CCDC3: variants seen among roughly 807,000 people sequenced by gnomAD.
CCDC3 encodes the protein coiled-coil domain-containing protein 3.
CCDC3 carries 24 observed loss-of-function variants against 21.4 expected under a neutral mutation model. That is an observed-to-expected ratio of 1.12 (90% CI 0.81 to 1.58). The LOEUF (loss-of-function observed/expected upper bound fraction) is 1.58, where lower values mean the gene tolerates loss of function less well. Ranked by LOEUF, CCDC3 falls within the 40% of genes most tolerant of loss-of-function variation. The pLI is 0.00. For synonymous variants in CCDC3, 186 were observed against 166.0 expected (o/e 1.12, Z -0.93); for missense variants, 425 against 360.9 (o/e 1.18, Z -1.44).
In CCDC3 at chr10:13,070,517, A is replaced by C. The variant is rs187383903; in HGVS notation, c.-270+3351T>G. 1.1e-4 allele frequency among the ~76,000 whole-genome samples: 16 copies of C among 152,268 alleles called. No individual in the cohort carries two copies. The East Asian group carries it at 2.9e-3, about 28-fold the overall frequency. On this transcript the variant is annotated intron_variant, in intron 4 of 6. Transcript: ENST00000378839. ...AGAAACTGGCCTCATATCTTCGTACACAGTCCCCATACAGGGTTCCTAACC... is the reference window on the plus strand; with the variant it reads ...AGAAACTGGCCTCATATCTTCGTACCCAGTCCCCATACAGGGTTCCTAACC...
intron 2 of CCDC3, among the ~76,000 whole-genome samples, chr10:12,922,284 C>T (rs1477184319): frequency 1.3e-5 from 2 of 152,096 alleles, no homozygotes; most frequent in African/African-American, 2.4e-5. Flanking sequence ...TACCCGCACT[C>T]GGACGGGCTT....
chr10:13,009,376 A>G (rs1589039030), intron 5 of CCDC3, among the ~76,000 whole-genome samples: 2 of 152,346 alleles, frequency 1.3e-5, no homozygotes, highest in South Asian at 2.1e-4. Context: ...TGCAAACTCA[A>G]TAAAAATCCC....
intron 2 of CCDC3, among the ~76,000 whole-genome samples, chr10:12,937,338 T>C (rs1268856195): frequency 6.6e-6 from 1 of 152,184 alleles, no homozygotes; most frequent in African/African-American, 2.4e-5. Context: ...ACTCATTTCC[T>C]ACGTAGAGCA....
At chr10:13,090,046 T>G (rs1474217774) in intron 3 of CCDC3, among the ~76,000 whole-genome samples, 1,421 of 12,070 alleles carry the variant, frequency 0.12, 32 homozygotes, top group East Asian at 0.28. Flanking sequence ...TATATATATA[T>G]ATATATATAT....
At chr10:13,017,347 C>CGT (rs1836077648) in intron 5 of CCDC3, among the ~76,000 whole-genome samples, 1 of 151,596 alleles carries the variant, frequency 6.6e-6, no homozygotes, top group Admixed American at 6.6e-5. Context: ...TAAAACTTCA[C>CGT]CTCTACTAAA....
intron 2 of CCDC3, among the ~76,000 whole-genome samples, chr10:12,956,787 C>T (rs1209045302): frequency 6.6e-6 from 1 of 152,126 alleles, no homozygotes; most frequent in East Asian, 1.9e-4. Context: ...CCACCACAAA[C>T]TCACACACAA....
At chr10:13,081,657 T>C (rs1837040473) in intron 3 of CCDC3, among the ~76,000 whole-genome samples, 1 of 152,224 alleles carries the variant, frequency 6.6e-6, no homozygotes, top group Non-Finnish European at 1.5e-5. Flanking sequence ...TTACTACTTT[T>C]AATGCCTGTT....
rs529127197 is a variant in CCDC3, at chr10:12,897,333, G to A, written c.*1083C>T. 1.3e-5 allele frequency: 2 copies of A among 152,340 alleles called. No individual in the cohort carries two copies. Among genetic ancestry groups the A allele is most frequent in the South Asian group, 4.1e-4 (2 of 4,822 alleles). The allele number at this position is 152,340 out of a possible 1,614,324, so 9.4% of individuals were successfully genotyped here. A position where few individuals can be genotyped will look rare whatever the true frequency, so the allele number is the denominator to read the frequency against. ...TCTTAAAAGTTTTATTTCCAGAAAG[G>A]TGAAGTGCTTTGGTGGTGTAAGGAA... On this transcript the variant is annotated 3_prime_UTR_variant, in exon 3 of 3. Transcript: ENST00000378825.
rs764707450 is a variant in CCDC3, at chr10:12,898,388, C to T, written c.*28G>A. On this transcript the variant is annotated 3_prime_UTR_variant, in exon 3 of 3. Transcript: ENST00000378825. The stretch of plus-strand genomic sequence containing the variant: ...ATTCTCAATTACCGTCAGGATTGGC[C>T]CTGCACACCTGGCAGCCCCCAGGCC... 1.2e-5 allele frequency: 18 copies of T among 1,564,256 alleles called. No individual in the cohort carries two copies. In the Admixed American group the frequency reaches 1.3e-4, roughly 12 times the overall value.
intron 2 of CCDC3, among the ~76,000 whole-genome samples, chr10:12,984,798 CA>C (rs763513430): frequency 6.6e-6 from 1 of 152,102 alleles, no homozygotes; most frequent in Non-Finnish European, 1.5e-5. Context: ...CTGAGACAGA[CA>C]AATCTTACAC....
intron 2 of CCDC3, among the ~76,000 whole-genome samples, chr10:12,991,334 T>A (rs1040776695): frequency 1.3e-5 from 2 of 152,118 alleles, no homozygotes; most frequent in Admixed American, 1.3e-4. Flanking sequence ...TGTTTTTTTT[T>A]CCTTGAGAGG....
chr10:13,082,213 T>A (rs1015692084), intron 3 of CCDC3, among the ~76,000 whole-genome samples: 2 of 152,062 alleles, frequency 1.3e-5, no homozygotes, highest in African/African-American at 2.4e-5. Context: ...ATTTATTGGA[T>A]ACAAGACAAG....
intron 2 of CCDC3, among the ~76,000 whole-genome samples, chr10:12,958,550 C>T (rs986472951): frequency 2.0e-5 from 3 of 152,180 alleles, no homozygotes; most frequent in African/African-American, 4.8e-5. Context: ...ATGTGGCAAA[C>T]GGCAGTAGTG....
At chr10:12,943,274 AC>A (rs202106167) in intron 2 of CCDC3, among the ~76,000 whole-genome samples, 1 of 151,756 alleles carries the variant, frequency 6.6e-6, no homozygotes, top group African/African-American at 2.4e-5. Context: ...AATTCTAAGC[AC>A]CCCCCCGCAA....
chr10:12,976,218 C>T (rs1040094435), intron 2 of CCDC3, among the ~76,000 whole-genome samples: 3 of 152,218 alleles, frequency 2.0e-5, no homozygotes, highest in African/African-American at 7.2e-5. Context: ...CAGGGAAGGG[C>T]AACCTGCAGT....
intron 4 of CCDC3, among the ~76,000 whole-genome samples, chr10:13,061,441 C>G (rs572481619): frequency 1.3e-5 from 2 of 152,066 alleles, no homozygotes; most frequent in East Asian, 1.9e-4. Context: ...CTTGTGTGGA[C>G]GAAAACAGTC....
chr10:12,904,108 T>G (rs753220836), intron 2 of CCDC3, among the ~76,000 whole-genome samples: 1 of 152,086 alleles, frequency 6.6e-6, no homozygotes, highest in African/African-American at 2.4e-5. Flanking sequence ...GAGTATTTCA[T>G]GGGAGCTGGA....
intron 3 of CCDC3, among the ~76,000 whole-genome samples, chr10:13,079,186 C>G (rs577623301): frequency 6.6e-6 from 1 of 152,298 alleles, no homozygotes; most frequent in South Asian, 2.1e-4. Flanking sequence ...TTTGAATAAA[C>G]ATTTTACATA....
chr10:12,999,741 T>C (rs755154162), intron 1 of CCDC3, among the ~76,000 whole-genome samples: 1 of 152,240 alleles, frequency 6.6e-6, no homozygotes, highest in African/African-American at 2.4e-5. Context: ...AAAATTTCTT[T>C]AAAAAGCCTG....
Sources: gnomAD v4.1 joint callset for allele counts (sites outside exome capture counted in the v4.1 genomes callset) on GRCh38, gnomAD v4.1.1 for gene constraint, MANE v1.5 for transcripts, NCBI Gene and HGNC (gene_info 2026-07-23, HGNC 2026-07-21) for gene names.